TDRD3: variants seen among roughly 807,000 people sequenced by gnomAD.
TDRD3 encodes tudor domain-containing protein 3.
A neutral mutation model predicts 86.7 loss-of-function variants in TDRD3; 45 were observed. That is an observed-to-expected ratio of 0.52 (90% CI 0.41 to 0.67). The LOEUF (loss-of-function observed/expected upper bound fraction) is 0.67. Ranked by LOEUF, TDRD3 falls within the 30% of genes least tolerant of loss-of-function variation. TDRD3 has a pLI of 0.00. For synonymous variants in TDRD3, 298 were observed against 301.7 expected, an observed-to-expected ratio of 0.99 and a Z score of 0.13; for missense variants, 814 against 889.0, an observed-to-expected ratio of 0.92 and a Z score of 1.07.
intron 1 of TDRD3, among the ~76,000 whole-genome samples, chr13:60,418,849 G>T (rs1415776399): frequency 6.6e-6 from 1 of 152,156 alleles, no homozygotes; most frequent in African/African-American, 2.4e-5. Flanking sequence ...CATCTTAGAA[G>T]TATAATGCTT....
Position 60,397,803 on chromosome 13 carries a change from G to T in TDRD3, c.41+398G>T, listed in dbSNP as rs1411572599. ...TGTTTCTGCAGCGGGATCGGGAGGC[G>T]AGGGCTGGGAACGAAGTGCGGCGGA... On this transcript the variant is annotated intron_variant, in intron 1 of 13. Transcript: ENST00000377881. Among the ~76,000 whole-genome samples, 3 of 152,030 alleles carry T rather than the reference G, an allele frequency of 2.0e-5. No homozygotes were observed. The South Asian group carries it at 6.2e-4, about 31-fold the overall frequency.
At chr13:60,412,935 T>G (rs1016282852) in intron 1 of TDRD3, among the ~76,000 whole-genome samples, 6 of 152,178 alleles carry the variant, frequency 3.9e-5, no homozygotes, top group Non-Finnish European at 8.8e-5. Flanking sequence ...ATGCGTACTT[T>G]AAAAGTTGAA....
chr13:60,449,691 C>A (rs1164881232), intron 3 of TDRD3, among the ~76,000 whole-genome samples: 1 of 151,986 alleles, frequency 6.6e-6, no homozygotes, highest in Non-Finnish European at 1.5e-5. Flanking sequence ...TTGTCAATTT[C>A]TTAATTATAA....
chr13:60,570,913 T>C (rs1309824976), intron 13 of TDRD3, among the ~76,000 whole-genome samples: 3 of 152,238 alleles, frequency 2.0e-5, no homozygotes, highest in Non-Finnish European at 4.4e-5. Context: ...TACCATATGG[T>C]AACTGTAGCT....
intron 3 of TDRD3, among the ~76,000 whole-genome samples, chr13:60,445,516 T>C (rs995475082): frequency 6.6e-6 from 1 of 152,180 alleles, no homozygotes; most frequent in African/African-American, 2.4e-5. Context: ...TTTCTTTTGG[T>C]TATAGTGGCT....
At position 60,397,314 on chromosome 13, in the gene TDRD3, C is replaced by G; in HGVS notation, c.-51C>G. 1.0e-6 allele frequency: 1 copy of G among 1,000,086 alleles called. No homozygotes were observed. Among genetic ancestry groups the G allele is most frequent in the Non-Finnish European group, 1.4e-6 (1 of 711,642 alleles). 62.0% of individuals were successfully genotyped at this position (1,000,086 alleles called of 1,614,324 possible). ...GGGGGGGGTCTCAAGTAGGAGGCCT[C>G]CCCATCACCCCCACCCCAGCCCCCC... On this transcript the variant is annotated 5_prime_UTR_variant, in exon 1 of 14. Transcript: ENST00000377881.
At chr13:60,510,355 C>G (rs1957029524) in intron 9 of TDRD3, among the ~76,000 whole-genome samples, 1 of 151,994 alleles carries the variant, frequency 6.6e-6, no homozygotes, top group South Asian at 2.1e-4. Context: ...TTAAAAATAT[C>G]TGTGGTTAAA....
At position 60,573,548 on chromosome 13, in the gene TDRD3, T is replaced by A. The variant is rs936092423; in HGVS notation, c.*10-68T>A. The A allele has an allele frequency of 5.1e-5, 47 of 927,948 alleles. No homozygotes were observed. The African/African-American group carries it at 7.3e-4, about 14-fold the overall frequency. 57.5% of individuals were successfully genotyped at this position (927,948 alleles called of 1,614,324 possible). On this transcript the variant is annotated intron_variant, in intron 13 of 13. Coordinates refer to ENST00000377881, the MANE Select transcript of TDRD3 (RefSeq NM_001146070.2). ...ACAGATAAGTTTCAGCAGAAATGTA[T>A]CTTGACAAAGTATGGAAAAGTTAAT...
intron 12 of TDRD3, among the ~76,000 whole-genome samples, chr13:60,558,989 A>G (rs529190208): frequency 8.6e-4 from 129 of 149,628 alleles, no homozygotes; most frequent in African/African-American, 3.1e-3. Flanking sequence ...TTCTGTTGAA[A>G]GCAATTTGAA....
At chr13:60,554,177 C>A (rs957045743) in intron 12 of TDRD3, among the ~76,000 whole-genome samples, 1 of 152,148 alleles carries the variant, frequency 6.6e-6, no homozygotes, top group Admixed American at 6.5e-5. Flanking sequence ...TGACAGGATT[C>A]TTGTCAAAAC....
intron 7 of TDRD3, among the ~76,000 whole-genome samples, chr13:60,489,489 A>G (rs1411924319): frequency 1.3e-5 from 2 of 152,238 alleles, no homozygotes; most frequent in African/African-American, 4.8e-5. Flanking sequence ...CTCTGGAATC[A>G]CAGGCTGGAA....
intron 5 of TDRD3, among the ~76,000 whole-genome samples, chr13:60,480,941 G>T (rs1005400500): frequency 2.0e-5 from 3 of 152,110 alleles, no homozygotes; most frequent in Non-Finnish European, 4.4e-5. Flanking sequence ...TTGGTAGTTG[G>T]GTTGTCTTGG....
chr13:60,523,472 T>C (rs527339693), intron 10 of TDRD3, among the ~76,000 whole-genome samples: 2 of 152,260 alleles, frequency 1.3e-5, no homozygotes, highest in African/African-American at 4.8e-5. Context: ...TAAACTCATA[T>C]AGCATTCTTT....
chr13:60,565,248 G>C (rs1006528466), intron 12 of TDRD3, among the ~76,000 whole-genome samples: 1 of 151,792 alleles, frequency 6.6e-6, no homozygotes, highest in East Asian at 1.9e-4. Flanking sequence ...GTAGAGACGA[G>C]GTTTCACCTT....
chr13:60,436,084 C>T (rs1409764404), intron 1 of TDRD3, among the ~76,000 whole-genome samples: 1 of 148,726 alleles, frequency 6.7e-6, no homozygotes, highest in African/African-American at 2.4e-5. Flanking sequence ...CTATTTCCAT[C>T]CTTTGCCCAC....
At chr13:60,501,075 C>A (rs1013928308) in intron 8 of TDRD3, among the ~76,000 whole-genome samples, 1 of 152,120 alleles carries the variant, frequency 6.6e-6, no homozygotes, top group African/African-American at 2.4e-5. Context: ...CCTGTTGGCA[C>A]GTTGATTATA....
chr13:60,494,500 C>T lies in TDRD3; in HGVS notation c.783C>T (p.Asn261=), dbSNP rs777889929. The stretch of plus-strand genomic sequence containing the variant: ...ATCTCAATATGAATGCTGCTGGTAA[C>T]CGAAATAGGGAAGTTTTACAGAAAG... ...RSNLNMNAAG[N]RNREVLQKEK... The change falls in exon 8 of 14, where the codon AAC becomes AAT. Residue 261 remains asparagine (N), a synonymous_variant. Coordinates refer to ENST00000377881, the MANE Select transcript of TDRD3 (RefSeq NM_001146070.2). 5.6e-6 allele frequency: 9 copies of T among 1,613,310 alleles called. No individual in the cohort carries two copies. The African/African-American group carries it at 1.2e-4, about 22-fold the overall frequency.
At chr13:60,515,656 T>G (rs1957152030) in intron 10 of TDRD3, among the ~76,000 whole-genome samples, 1 of 152,226 alleles carries the variant, frequency 6.6e-6, no homozygotes, top group Non-Finnish European at 1.5e-5. Flanking sequence ...CTCACACTAC[T>G]CAGTGCCAGT....
chr13:60,538,244 A>AAT (rs1302888624), intron 12 of TDRD3, among the ~76,000 whole-genome samples: 1 of 152,014 alleles, frequency 6.6e-6, no homozygotes, highest in African/African-American at 2.4e-5. Context: ...TGAAAGTATT[A>AAT]ATGTTGTGGT....
Sources: gnomAD v4.1 joint callset for allele counts (sites outside exome capture counted in the v4.1 genomes callset) on GRCh38, gnomAD v4.1.1 for gene constraint, MANE v1.5 for transcripts, NCBI Gene and HGNC (gene_info 2026-07-23, HGNC 2026-07-21) for gene names.